Variants in DLK1 observed in about 807,000 individuals in gnomAD.
The protein encoded by DLK1 is delta like non-canonical Notch ligand 1, also known as protein delta homolog 1.
A neutral mutation model predicts 35.2 loss-of-function variants in DLK1; 9 were observed. The ratio of observed to expected loss-of-function variants is 0.26; its 90% CI spans 0.15 to 0.45. The LOEUF is 0.45. DLK1 is among the 20% of genes least tolerant of loss of function. The probability of loss-of-function intolerance (pLI) is 1.00; values close to 1 mark genes in which losing one functional copy is unlikely to be tolerated. For synonymous variants in DLK1, 231 were observed against 228.4 expected (o/e 1.01, Z -0.10); for missense variants, 522 against 528.5 (o/e 0.99, Z 0.12).
intron 3 of DLK1, among the ~76,000 whole-genome samples, chr14:100,730,340 G>A (rs183208940): frequency 3.9e-5 from 6 of 152,290 alleles, no homozygotes; most frequent in Admixed American, 6.5e-5. Context: ...TCTAAATGCC[G>A]TACACCCTTG....
chr14:100,729,100 G>A lies in DLK1; in HGVS notation c.262+34G>A, dbSNP rs372623024. 7.3e-5 allele frequency: 117 copies of A among 1,611,408 alleles called. No homozygotes were observed. In the African/African-American group the frequency reaches 1.3e-3, roughly 18 times the overall value. ...TCGCCTTTGTTCACCTCAGCTCTGC[G>A]TCCTTACCTGCCTGCCCTAGCCCCT... is the stretch of plus-strand genomic sequence containing the variant. On this transcript the variant is annotated intron_variant, in intron 3 of 4. Coordinates refer to ENST00000341267, the MANE Select transcript of DLK1 (RefSeq NM_003836.7).
rs1464025226 is a variant in DLK1 at position 100,734,356 on chromosome 14, C to G, written c.612C>G (p.Thr204=). 1.2e-6 allele frequency: 2 copies of G among 1,612,586 alleles called. No individual in the cohort carries two copies. The highest frequency in any genetic ancestry group is 2.2e-5 in the East Asian group (1 of 44,870). Residue 204 remains threonine (T), a synonymous_variant, in exon 5 of 5, where the codon ACC becomes ACG. Transcript: ENST00000341267. This position sits in a 1 kb window ranked among gnomAD's most constrained non-coding sequence, Gnocchi z 7.4. The part of the protein sequence containing the change: ...CRCPAGFIDK[T]CSRPVTNCAS... ...GCCCAGCCGGCTTCATCGACAAGACCTGCAGCCGCCCGGTGACCAACTGCG... is the reference window on the plus strand; with the variant it reads ...GCCCAGCCGGCTTCATCGACAAGACGTGCAGCCGCCCGGTGACCAACTGCG...
At position 100,734,479 on chromosome 14, in the gene DLK1, CAAG is replaced by C. The variant is rs773820916; in HGVS notation, c.739_741del (p.Lys247del). On this transcript the variant is annotated inframe_deletion, in exon 5 of 5. Coordinates refer to ENST00000341267, the MANE Select transcript of DLK1 (RefSeq NM_003836.7). This position sits in a 1 kb window ranked among gnomAD's most constrained non-coding sequence, Gnocchi z 7.4. ...CCGAGTTCACAGGTCTCACCTGTGT[CAAG>C]AAGCGCGCGCTGAGCCCCCAGCAGG... The C allele has an allele frequency of 1.9e-6, 3 of 1,611,558 alleles. No individual in the cohort carries two copies. The highest frequency in any genetic ancestry group is 3.3e-5 in the Admixed American group (2 of 59,980).
chr14:100,728,527 G>A lies in DLK1; in HGVS notation c.131+68G>A, dbSNP rs2036464382. 3.9e-6 allele frequency: 6 copies of A among 1,557,486 alleles called. No homozygotes were observed. The East Asian group carries it at 1.4e-4, about 37-fold the overall frequency. The stretch of plus-strand genomic sequence containing the variant: ...AGAAGCCTGGGGAGTCGTGAAGTCA[G>A]GCAGAAAAAAATAGGGGGCTTGGCC... On this transcript the variant is annotated intron_variant, in intron 2 of 4. Coordinates refer to ENST00000341267, the MANE Select transcript of DLK1 (RefSeq NM_003836.7).
At chr14:100,731,780 G>A (rs1334552435) in intron 3 of DLK1, among the ~76,000 whole-genome samples, 1 of 152,182 alleles carries the variant, frequency 6.6e-6, no homozygotes, top group African/African-American at 2.4e-5. Context: ...GGGTGACCTG[G>A]TGCCAGGCAA....
intron 3 of DLK1, 89 bp downstream of exon 3, chr14:100,729,155 T>C: frequency 6.3e-7 from 1 of 1,590,420 alleles, no homozygotes; most frequent in Non-Finnish European, 8.5e-7. Flanking sequence ...CTGTTGCTGG[T>C]GTTCCTCACT....
chr14:100,728,787 T>G, intron 2 of DLK1, 149 bp from the exon 3 acceptor site: 1 of 1,083,620 alleles, frequency 9.2e-7, no homozygotes, highest in Non-Finnish European at 1.3e-6. Flanking sequence ...GTTTTCCCAT[T>G]CAGGTGGCTG....
chr14:100,733,683 C>T (rs908505445), intron 4 of DLK1, among the ~76,000 whole-genome samples: 1 of 152,154 alleles, frequency 6.6e-6, no homozygotes, highest in African/African-American at 2.4e-5. Flanking sequence ...GTTCTTCTGC[C>T]CCAGCAGTCC....
rs1351181190 is a variant in DLK1, at chr14:100,734,627, A to G, written c.883A>G (p.Lys295Glu). The change falls in exon 5 of 5, where the codon AAA (lysine) becomes GAA (glutamate). Residue 295 changes from lysine (K) to glutamate (E), a missense_variant. Coordinates refer to ENST00000341267, the MANE Select transcript of DLK1 (RefSeq NM_003836.7). This position sits in a 1 kb window ranked among gnomAD's most constrained non-coding sequence, Gnocchi z 7.4. The stretch of plus-strand genomic sequence containing the variant: ...GGTGTCCATGAAAGAGCTCAACAAG[A>G]AAACCCCTCTCCTCACCGAGGGCCA... ...LKVSMKELNK[K>E]TPLLTEGQAI... 1 of 1,613,920 alleles carries G rather than the reference A, an allele frequency of 6.2e-7. No homozygotes were observed. The highest frequency in any genetic ancestry group is 1.7e-5 in the Admixed American group (1 of 60,022).
rs933900974 is a variant in DLK1, at chr14:100,735,270, G to A, written c.*374G>A. ...TCGGCCACATGGTCCTCGTGAAACCGTTACGAGTGCTGTACATGACCACCC... is the reference window on the plus strand; with the variant it reads ...TCGGCCACATGGTCCTCGTGAAACCATTACGAGTGCTGTACATGACCACCC... On this transcript the variant is annotated 3_prime_UTR_variant, in exon 5 of 5. Transcript: ENST00000341267. The A allele has an allele frequency of 3.7e-5, 7 of 187,788 alleles. No individual in the cohort carries two copies. Among genetic ancestry groups the A allele is most frequent in the Admixed American group, 5.7e-5 (1 of 17,554 alleles). The allele number at this position is 187,788 out of a possible 1,614,324, so 11.6% of individuals were successfully genotyped here. A position where few individuals can be genotyped will look rare whatever the true frequency, so the allele number is the denominator to read the frequency against.
rs1567023545 is a variant in DLK1 at position 100,736,543 on chromosome 14, C to T, written c.*1647C>T. On this transcript the variant is annotated 3_prime_UTR_variant, in exon 5 of 5. Coordinates refer to ENST00000341267, the MANE Select transcript of DLK1 (RefSeq NM_003836.7). ...GTCCTCCAGCCACTACCCAAGCCCC[C>T]TCATCCTGACTCAAAGCCCGACCAG... 6.6e-6 allele frequency: 1 copy of T among 152,462 alleles called. No homozygotes were observed. Among genetic ancestry groups the T allele is most frequent in the Non-Finnish European group, 1.5e-5 (1 of 68,302 alleles). The allele number at this position is 152,462 out of a possible 1,614,324, so 9.4% of individuals were successfully genotyped here. A position where few individuals can be genotyped will look rare whatever the true frequency, so the allele number is the denominator to read the frequency against.
In DLK1 at chr14:100,734,745, T is replaced by C; in HGVS notation, c.1001T>C (p.Val334Ala). ...IVFLNKCETW[V>A]SNLRYNHMLR... ...TTCCTCAACAAGTGCGAGACCTGGGTGTCCAACCTGCGCTACAACCACATG... is the reference window on the plus strand; with the variant it reads ...TTCCTCAACAAGTGCGAGACCTGGGCGTCCAACCTGCGCTACAACCACATG... The change falls in exon 5 of 5, where the codon GTG (valine) becomes GCG (alanine). Residue 334 changes from valine to alanine, a missense_variant. Physicochemically the swap from Val to Ala is moderately conservative, Grantham distance 64 (BLOSUM62 0). Coordinates refer to ENST00000341267, the MANE Select transcript of DLK1 (RefSeq NM_003836.7). The surrounding 1 kb of genome is among the most constrained non-coding windows in gnomAD (Gnocchi z 7.4). 6.2e-7 allele frequency: 1 copy of C among 1,614,044 alleles called. No individual in the cohort carries two copies. The highest frequency in any genetic ancestry group is 8.5e-7 in the Non-Finnish European group (1 of 1,180,012).
intron 3 of DLK1, among the ~76,000 whole-genome samples, chr14:100,731,828 G>C (rs1038356731): frequency 1.3e-5 from 2 of 152,198 alleles, no homozygotes; most frequent in African/African-American, 4.8e-5. Context: ...CAGTGGCCAC[G>C]ACTTTCTGAT....
At position 100,735,072 on chromosome 14, in the gene DLK1, TTC is replaced by T. The variant is rs897544942; in HGVS notation, c.*184_*185del. On this transcript the variant is annotated 3_prime_UTR_variant, in exon 5 of 5. Transcript: ENST00000341267. ...AAACGCAATGCAAAAACAATCCTCT[TTC>T]TCTCTCTTAATGCATGATACAGAAT... The T allele has an allele frequency of 1.4e-6, 1 of 699,914 alleles. No homozygotes were observed. Among genetic ancestry groups the T allele is most frequent in the Non-Finnish European group, 2.2e-6 (1 of 460,156 alleles). The allele number at this position is 699,914 out of a possible 1,614,324, so 43.4% of individuals were successfully genotyped here.
chr14:100,731,453 G>A (rs2036505755), intron 3 of DLK1, among the ~76,000 whole-genome samples: 1 of 152,204 alleles, frequency 6.6e-6, no homozygotes, highest in South Asian at 2.1e-4. Context: ...CAGAGCCTGA[G>A]TGCAGAAAGA....
At chr14:100,727,510 G>A (rs1483670872) in intron 1 of DLK1, among the ~76,000 whole-genome samples, 2 of 152,196 alleles carry the variant, frequency 1.3e-5, no homozygotes, top group Non-Finnish European at 2.9e-5. Context: ...AACAGGTCTC[G>A]GGGCGGGAGT....
At chr14:100,731,551 C>T (rs2036507279) in intron 3 of DLK1, among the ~76,000 whole-genome samples, 1 of 152,148 alleles carries the variant, frequency 6.6e-6, no homozygotes, top group African/African-American at 2.4e-5. Context: ...ATCCCCCCCA[C>T]TGCCCCTCTT....
chr14:100,734,092 C>T lies in DLK1; in HGVS notation c.405-57C>T. 2 of 1,534,354 alleles carry T rather than the reference C, an allele frequency of 1.3e-6. No homozygotes were observed. The highest frequency in any genetic ancestry group is 1.7e-6 in the Non-Finnish European group (2 of 1,143,154). On this transcript the variant is annotated intron_variant, in intron 4 of 4. Coordinates refer to ENST00000341267, the MANE Select transcript of DLK1 (RefSeq NM_003836.7). The surrounding 1 kb of genome is among the most constrained non-coding windows in gnomAD (Gnocchi z 7.4). The stretch of plus-strand genomic sequence containing the variant: ...CTTCTGCCCTGAGCCCCGTGCCCTG[C>T]AGCGCTGTTGTAGCCTAGCCCCTGA...
At chr14:100,732,628 G>A (rs1350072733) in intron 4 of DLK1, among the ~76,000 whole-genome samples, 1 of 152,178 alleles carries the variant, frequency 6.6e-6, no homozygotes, top group Non-Finnish European at 1.5e-5. Context: ...GAGTTGCCAG[G>A]CTGAGAGGTG....
Sources: gnomAD v4.1 joint callset for allele counts (sites outside exome capture counted in the v4.1 genomes callset) on GRCh38, gnomAD v4.1.1 for gene constraint, Gnocchi (gnomAD v3.1) non-coding constraint, MANE v1.5 for transcripts, NCBI Gene and HGNC (gene_info 2026-07-23, HGNC 2026-07-21) for gene names.